MYH16: variants seen among roughly 807,000 people sequenced by gnomAD.
MYH16 encodes the protein myosin heavy chain 16, also known as putative uncharacterized protein MYH16.
chr7:99,296,814 G>A (rs1562786416), exon 34 of MYH16: 1 of 456,794 alleles, frequency 2.2e-6, no homozygotes. Flanking sequence ...GCTCGCAGAA[G>A]GAGTGCCGCA....
intron 38 of MYH16, among the ~76,000 whole-genome samples, 193 bp from the exon 20 acceptor site, chr7:99,302,872 G>A (rs1179637839): frequency 6.9e-6 from 1 of 145,156 alleles, no homozygotes; most frequent in African/African-American, 2.6e-5. Flanking sequence ...AACAGAGCAA[G>A]ATCCTGCCTA....
At chr7:99,279,674 C>A (rs1238809200) in exon 22 of MYH16, 1 of 456,422 alleles carries the variant, frequency 2.2e-6, no homozygotes, top group Non-Finnish European at 4.4e-6. Context: ...GGGAGCTGAG[C>A]GACCTGAAGC....
At chr7:99,270,319 A>G (rs1185412246) in intron 18 of MYH16, among the ~76,000 whole-genome samples, 1 of 148,796 alleles carries the variant, frequency 6.7e-6, no homozygotes, top group East Asian at 2.0e-4. Context: ...TCTCAGAAAA[A>G]AAAATTTTTT....
At chr7:99,259,216 G>A (rs1202257563) in intron 11 of MYH16, among the ~76,000 whole-genome samples, 1 of 152,136 alleles carries the variant, frequency 6.6e-6, no homozygotes. Flanking sequence ...AAAAATTACA[G>A]AGAAAGAGAC....
intron 7 of MYH16, chr7:99,252,963 T>TA (rs1165307874): frequency 6.6e-6 from 1 of 152,160 alleles, no homozygotes; most frequent in Non-Finnish European, 1.5e-5. Flanking sequence ...GGGCTCTTCT[T>TA]AAAAAATATT....
chr7:99,240,153 A>G (rs1326337744), intron 1 of MYH16, among the ~76,000 whole-genome samples: 2 of 152,022 alleles, frequency 1.3e-5, no homozygotes, highest in Non-Finnish European at 2.9e-5. Context: ...CCTTTTGGCA[A>G]TCTTATGTGG....
intron 2 of MYH16, among the ~76,000 whole-genome samples, chr7:99,244,804 G>A (rs1198569297): frequency 6.6e-6 from 1 of 152,204 alleles, no homozygotes; most frequent in Non-Finnish European, 1.5e-5. Context: ...AGAATGTCAA[G>A]GTACAGGCTC....
chr7:99,259,194 A>G (rs1411973721), intron 11 of MYH16, among the ~76,000 whole-genome samples: 1 of 152,210 alleles, frequency 6.6e-6, no homozygotes, highest in East Asian at 1.9e-4. Context: ...CCTTCATCTT[A>G]CAGATGAGGA....
Position 99,289,413 on chromosome 7 carries a change from T to C in MYH16, n.3824+9T>C. 1 of 419,180 alleles carries C rather than the reference T, an allele frequency of 2.4e-6. No individual in the cohort carries two copies. The highest frequency in any genetic ancestry group is 4.8e-6 in the Non-Finnish European group (1 of 208,182). 26.0% of individuals were successfully genotyped at this position (419,180 alleles called of 1,614,324 possible). ...CAGGACCCGCCTCCAAGGTGAGCCC[T>C]CTCCGCCCTGAGCTTGCTAAGGAGC... is the stretch of plus-strand genomic sequence containing the variant. On this transcript the variant is annotated intron_variant and non_coding_transcript_variant, in intron 30 of 41. Transcript: ENST00000439784.
rs200644722 is a variant in MYH16 at position 99,294,545 on chromosome 7, G to GA, written n.4282+405dup. Among the ~76,000 whole-genome samples the GA allele has an allele frequency of 7.7e-3, 599 of 77,716 alleles. 6 individuals carry two copies. Among genetic ancestry groups the GA allele is most frequent in the African/African-American group, 0.03 (408 of 13,384 alleles). The allele number at this position is 77,716 out of a possible 152,430, so 51.0% of individuals were successfully genotyped here. A position where few individuals can be genotyped will look rare whatever the true frequency, so the allele number is the denominator to read the frequency against. On this transcript the variant is annotated intron_variant and non_coding_transcript_variant, in intron 33 of 41. Coordinates refer to ENST00000439784, the Ensembl canonical transcript of MYH16. ...AAAAAGAAAAAGAAAAAGAAAAAAA[G>GA]AAAAAAAAAATATATATATATATTT... is the stretch of plus-strand genomic sequence containing the variant.
intron 34 of MYH16, 40 bp downstream of exon 15, chr7:99,296,957 A>AG: frequency 2.2e-6 from 1 of 451,464 alleles, no homozygotes; most frequent in Non-Finnish European, 4.5e-6. Context: ...GCCTGTAGGG[A>AG]GGGGACACAG....
intron 33 of MYH16, among the ~76,000 whole-genome samples, chr7:99,295,780 C>G (rs993723135): frequency 1.4e-5 from 2 of 144,190 alleles, no homozygotes; most frequent in Non-Finnish European, 3.0e-5. Flanking sequence ...CTACAGTTAG[C>G]TATGATTATG....
chr7:99,301,217 A>AAG (rs1393383263), intron 37 of MYH16, among the ~76,000 whole-genome samples: 2 of 146,870 alleles, frequency 1.4e-5, no homozygotes. Flanking sequence ...AAAAAAAAAA[A>AAG]AGAGAGAGAG....
intron 20 of MYH16, among the ~76,000 whole-genome samples, chr7:99,274,669 C>CTTTTTT (rs745470963): frequency 1.7e-5 from 2 of 117,564 alleles, no homozygotes; most frequent in African/African-American, 3.9e-5. Flanking sequence ...CATTAATTCA[C>CTTTTTT]TTTTTTTTTT....
rs547697570 is a variant in MYH16, at chr7:99,306,439, A to G, written n.5636-170A>G. Among the ~76,000 whole-genome samples, 7 of 152,210 alleles carry G rather than the reference A, an allele frequency of 4.6e-5. No individual in the cohort carries two copies. The East Asian group carries it at 1.4e-3, about 29-fold the overall frequency. On this transcript the variant is annotated intron_variant and non_coding_transcript_variant, in intron 41 of 41. Coordinates refer to ENST00000439784, the Ensembl canonical transcript of MYH16. ...CTACTTGGGAGGCTAAGGCAGGAGAATTGCTGGAACCTAGGAGGTGGAGGT... is the reference window on the plus strand; with the variant it reads ...CTACTTGGGAGGCTAAGGCAGGAGAGTTGCTGGAACCTAGGAGGTGGAGGT...
intron 12 of MYH16, chr7:99,261,299 C>T (rs1791935048): frequency 6.6e-6 from 1 of 152,514 alleles, no homozygotes; most frequent in African/African-American, 2.4e-5. Context: ...GAGCACCAGG[C>T]ACTGTTCCCA....
exon 12 of MYH16, chr7:99,260,166 C>G: frequency 6.2e-7 from 1 of 1,606,354 alleles, no homozygotes; most frequent in Non-Finnish European, 8.5e-7. Context: ...CGCCACAGTT[C>G]AACAGCTTTG....
At chr7:99,242,267 C>CTTT (rs145007362) in intron 1 of MYH16, among the ~76,000 whole-genome samples, 8,995 of 151,958 alleles carry the variant, frequency 0.059, 399 homozygotes, top group South Asian at 0.24. Flanking sequence ...TTGCTGGTTT[C>CTTT]TTTTTTTTCT....
At chr7:99,262,523 G>A (rs566876012) in intron 13 of MYH16, among the ~76,000 whole-genome samples, 1 of 152,350 alleles carries the variant, frequency 6.6e-6, no homozygotes, top group South Asian at 2.1e-4. Context: ...TCAAAGTCAA[G>A]TGGCACCTGT....
Sources: allele counts gnomAD v4.1 joint callset (sites outside exome capture counted in the v4.1 genomes callset), GRCh38; gene constraint gnomAD v4.1.1; transcripts MANE v1.5; gene names NCBI Gene and HGNC (gene_info 2026-07-23, HGNC 2026-07-21).